MYLK4: variants seen among roughly 807,000 people sequenced by gnomAD.
The protein encoded by MYLK4 is caMLCK like.
A neutral mutation model predicts 48.1 loss-of-function variants in MYLK4; 46 were observed. That is an observed-to-expected ratio of 0.96 (90% CI 0.75 to 1.22). The LOEUF (loss-of-function observed/expected upper bound fraction) is 1.22. Among genes scored for constraint, MYLK4 ranks in the 50% most tolerant of loss-of-function variants. The probability of loss-of-function intolerance (pLI) is 0.00; values close to 1 mark genes in which losing one functional copy is unlikely to be tolerated. For synonymous variants in MYLK4, 170 were observed against 180.8 expected (o/e 0.94, Z 0.48); for missense variants, 451 against 486.1 (o/e 0.93, Z 0.68).
chr6:2,752,895 C>T (rs1001916497), upstream of MYLK4, among the ~76,000 whole-genome samples: 4 of 152,132 alleles, frequency 2.6e-5, no homozygotes, highest in Admixed American at 1.3e-4. Context: ...TCCCAGCTTC[C>T]GATGGCATAC....
chr6:2,697,497 C>T lies in MYLK4; in HGVS notation c.160-4638G>A, dbSNP rs565097542. Among the ~76,000 whole-genome samples, 141 of 152,228 alleles carry T rather than the reference C, an allele frequency of 9.3e-4. 1 individual carries two copies. The highest frequency in any genetic ancestry group is 2.8e-4 in the Non-Finnish European group (19 of 68,036). On this transcript the variant is annotated intron_variant, in intron 2 of 12. Transcript: ENST00000274643. ...CAGCAGGGCGGCATCGGTCCACAGG[C>T]GTGTGCCGGCTACCTGGGCATGAGT...
At chr6:2,676,632 G>A (rs1761091844) in intron 10 of MYLK4, among the ~76,000 whole-genome samples, 1 of 152,188 alleles carries the variant, frequency 6.6e-6, no homozygotes, top group South Asian at 2.1e-4. Flanking sequence ...AGCATTGACT[G>A]GAATTCTAAG....
At chr6:2,703,062 C>T (rs557798005) in intron 2 of MYLK4, among the ~76,000 whole-genome samples, 5 of 152,224 alleles carry the variant, frequency 3.3e-5, no homozygotes, top group African/African-American at 1.2e-4. Context: ...CTGAGACTCC[C>T]AGGAGCTCCT....
intron 2 of MYLK4, among the ~76,000 whole-genome samples, chr6:2,724,703 G>C (rs1334197285): frequency 6.6e-6 from 1 of 152,150 alleles, no homozygotes; most frequent in Non-Finnish European, 1.5e-5. Flanking sequence ...GGTGAACACA[G>C]AGCCCAGCCC....
intron 2 of MYLK4, among the ~76,000 whole-genome samples, chr6:2,731,046 C>T (rs896801567): frequency 6.6e-6 from 1 of 151,760 alleles, no homozygotes; most frequent in Non-Finnish European, 1.5e-5. Context: ...GGCTGGATAG[C>T]CTTTTTAAAA....
intron 2 of MYLK4, among the ~76,000 whole-genome samples, chr6:2,717,796 A>G (rs1447531958): frequency 6.6e-6 from 1 of 152,182 alleles, no homozygotes; most frequent in Admixed American, 6.5e-5. Flanking sequence ...TGCTCTTTTC[A>G]CTGCTACATG....
At chr6:2,766,571 CTT>C in the MYLK4 span, 1 of 1,388,042 alleles carries the variant, frequency 7.2e-7, no homozygotes, top group South Asian at 1.6e-5. Context: ...GGGGTGCAGA[CTT>C]GGGCTGGGCT....
intron 10 of MYLK4, among the ~76,000 whole-genome samples, 185 bp downstream of exon 10, chr6:2,678,035 C>T (rs1761144496): frequency 1.3e-5 from 2 of 152,188 alleles, no homozygotes; most frequent in Admixed American, 1.3e-4. Context: ...GTTTGTGTAG[C>T]TTCATGACCA....
At chr6:2,737,340 G>A (rs548216941) in intron 2 of MYLK4, among the ~76,000 whole-genome samples, 6 of 152,220 alleles carry the variant, frequency 3.9e-5, no homozygotes, top group African/African-American at 7.2e-5. Flanking sequence ...ACAATAAAAC[G>A]ATCCTACCAT....
intron 2 of MYLK4, among the ~76,000 whole-genome samples, chr6:2,712,633 G>T (rs1346347810): frequency 6.6e-6 from 1 of 152,154 alleles, no homozygotes; most frequent in African/African-American, 2.4e-5. Flanking sequence ...AACCTCCAAC[G>T]ATTTTGAGGT....
chr6:2,744,224 C>G (rs181703157), intron 2 of MYLK4: 13 of 389,564 alleles, frequency 3.3e-5, no homozygotes, highest in African/African-American at 2.5e-4. Flanking sequence ...AATAATCTGC[C>G]TCTTTAAAAG....
At chr6:2,724,693 G>T (rs917104729) in intron 2 of MYLK4, among the ~76,000 whole-genome samples, 4 of 152,134 alleles carry the variant, frequency 2.6e-5, no homozygotes, top group Non-Finnish European at 4.4e-5. Context: ...GTAATGATGC[G>T]GTGAACACAG....
intron 2 of MYLK4, among the ~76,000 whole-genome samples, chr6:2,714,658 C>A (rs78453988): frequency 0.04 from 6,032 of 152,270 alleles, 252 homozygotes; most frequent in East Asian, 0.24. Context: ...TATTTGTACA[C>A]GTGTGTTCAT....
At chr6:2,764,761 C>T in the MYLK4 span, among the ~76,000 whole-genome samples, 1 of 152,164 alleles carries the variant, frequency 6.6e-6, no homozygotes, top group East Asian at 1.9e-4. Context: ...TCTCTTGGCT[C>T]GAAGCGCGCT....
At chr6:2,710,083 G>A (rs1392378194) in intron 2 of MYLK4, among the ~76,000 whole-genome samples, 2 of 152,074 alleles carry the variant, frequency 1.3e-5, no homozygotes, top group African/African-American at 2.4e-5. Flanking sequence ...CCTTTTACAT[G>A]GAGGCATCAA....
chr6:2,713,042 T>C (rs1413955481), intron 2 of MYLK4, among the ~76,000 whole-genome samples: 1 of 152,214 alleles, frequency 6.6e-6, no homozygotes. Context: ...GAGGCCAAGA[T>C]ACAGTGACAC....
the MYLK4 span, chr6:2,770,137 C>A: frequency 6.2e-7 from 1 of 1,614,234 alleles, no homozygotes; most frequent in East Asian, 2.2e-5. Context: ...TCCTTCCTCA[C>A]GTGGAATGTG....
intron 12 of MYLK4, among the ~76,000 whole-genome samples, chr6:2,670,100 T>C (rs1250591559): frequency 6.6e-6 from 1 of 152,166 alleles, no homozygotes; most frequent in Non-Finnish European, 1.5e-5. Context: ...GCCCGGTGGC[T>C]CACGCCTGTA....
the MYLK4 span, among the ~76,000 whole-genome samples, chr6:2,764,883 CTTGT>C: frequency 3.9e-5 from 6 of 152,296 alleles, no homozygotes; most frequent in Middle Eastern, 0.01. Flanking sequence ...CACTCGCGTA[CTTGT>C]TTGTATTTTT....
Sources: gnomAD v4.1 joint callset for allele counts (sites outside exome capture counted in the v4.1 genomes callset) on GRCh38, gnomAD v4.1.1 for gene constraint, MANE v1.5 for transcripts, NCBI Gene and HGNC (gene_info 2026-07-23, HGNC 2026-07-21) for gene names.